The following ADRA1B variants were observed in gnomAD, a reference collection of about 807,000 sequenced individuals.
The protein encoded by ADRA1B is adrenoceptor alpha 1B, also known as alpha-1B adrenergic receptor.
A neutral mutation model predicts 17.9 loss-of-function variants in ADRA1B; 17 were observed. The ratio of observed to expected loss-of-function variants is 0.95; its 90% CI spans 0.65 to 1.42. The LOEUF is 1.42. ADRA1B is among the 40% of genes most tolerant of loss of function. The pLI is 0.00. For synonymous variants in ADRA1B, 366 were observed against 327.6 expected, an observed-to-expected ratio of 1.12 and a Z score of -1.27; for missense variants, 681 against 722.1, an observed-to-expected ratio of 0.94 and a Z score of 0.65.
chr5:159,866,950 A>C (rs577868172), intron 1 of ADRA1B: 1 of 152,324 alleles, frequency 6.6e-6, no homozygotes, highest in East Asian at 1.9e-4. Context: ...GAACTGAGAG[A>C]GATTTCTCAG....
intron 1 of ADRA1B, among the ~76,000 whole-genome samples, chr5:159,959,636 T>C (rs576419413): frequency 6.6e-6 from 1 of 152,328 alleles, no homozygotes; most frequent in South Asian, 2.1e-4. Flanking sequence ...TACATGGCAC[T>C]GAATTATCTG....
chr5:159,975,365 G>C (rs879106719), downstream of ADRA1B, among the ~76,000 whole-genome samples: 12 of 152,240 alleles, frequency 7.9e-5, no homozygotes, highest in South Asian at 2.3e-3. Context: ...TCAAGTCTTG[G>C]CTCTGCATGA....
chr5:159,894,138 C>G (rs965243049), intron 1 of ADRA1B, among the ~76,000 whole-genome samples: 1 of 152,202 alleles, frequency 6.6e-6, no homozygotes, highest in Admixed American at 6.5e-5. Flanking sequence ...GCTGTGGTGC[C>G]CCGCAGGGAG....
chr5:159,932,053 T>C (rs1437485468), intron 1 of ADRA1B, among the ~76,000 whole-genome samples: 1 of 152,272 alleles, frequency 6.6e-6, no homozygotes, highest in East Asian at 1.9e-4. Context: ...ACAAGTTGGA[T>C]CACCCAGTGC....
In ADRA1B at chr5:159,917,841, C is replaced by G; in HGVS notation, c.936C>G (p.Ile312Met). 1 of 1,602,548 alleles carries G rather than the reference C, an allele frequency of 6.2e-7. No individual in the cohort carries two copies. The highest frequency in any genetic ancestry group is 1.1e-5 in the South Asian group (1 of 88,976). ...TCTTGTGCTGGCTACCCTTCTTCAT[C>G]GCTCTACCGCTTGGTAAGTTGGGGA... ...MFILCWLPFF[I>M]ALPLGSLFST... Residue 312 changes from isoleucine to methionine, a missense_variant, in exon 1 of 2, where the codon ATC becomes ATG. Ile to Met is a conservative substitution (Grantham distance 10). Around this residue, in one of 3 missense-constraint regions of ADRA1B, gnomAD observed 424 missense variants for 480.2 expected, o/e 0.88. Coordinates refer to ENST00000306675, the MANE Select transcript of ADRA1B (RefSeq NM_000679.4).
chr5:159,882,587 T>C lies in ADRA1B; in HGVS notation c.-256+17381T>C, dbSNP rs117208462. Among the ~76,000 whole-genome samples the C allele has an allele frequency of 7.9e-4, 121 of 152,274 alleles. No individual in the cohort carries two copies. The East Asian group carries it at 0.022, about 28-fold the overall frequency. On this transcript the variant is annotated intron_variant, in intron 1 of 2. Transcript: ENST00000641205. ...TGATTTCTGACAAGGAAAACTGTCA[T>C]AAGAGCTAACCATCTGTGTCTTCCA...
chr5:159,916,943 C>CA lies in ADRA1B; in HGVS notation c.39dup (p.Pro14ThrfsTer106). 6.2e-7 allele frequency: 1 copy of CA among 1,613,790 alleles called. No homozygotes were observed. Among genetic ancestry groups the CA allele is most frequent in the Non-Finnish European group, 8.5e-7 (1 of 1,179,818 alleles). On this transcript the variant is annotated frameshift_variant, in exon 1 of 2. Transcript: ENST00000306675. LOFTEE classifies it high-confidence loss of function. ...CTGGACACCGGCCACAACACATCAG[C>CA]ACCTGCCCACTGGGGAGAGTTGAAA...
intron 1 of ADRA1B, among the ~76,000 whole-genome samples, chr5:159,920,407 C>T (rs1357218020): frequency 1.3e-5 from 2 of 152,182 alleles, no homozygotes; most frequent in African/African-American, 2.4e-5. Flanking sequence ...CTGTGCCTTT[C>T]TGAGACTTTG....
At chr5:159,895,493 CAG>C (rs1205915999) in intron 1 of ADRA1B, among the ~76,000 whole-genome samples, 1 of 152,198 alleles carries the variant, frequency 6.6e-6, no homozygotes, top group Non-Finnish European at 1.5e-5. Flanking sequence ...CTACTAGAGA[CAG>C]AGACAGAATT....
intron 1 of ADRA1B, among the ~76,000 whole-genome samples, chr5:159,879,225 C>T (rs1329235056): frequency 1.3e-5 from 2 of 152,128 alleles, no homozygotes; most frequent in African/African-American, 4.8e-5. Context: ...CTCGGATTAG[C>T]GTAGAGATTG....
intron 1 of ADRA1B, among the ~76,000 whole-genome samples, chr5:159,891,273 C>A (rs918812076): frequency 1.3e-5 from 2 of 152,194 alleles, no homozygotes; most frequent in Non-Finnish European, 2.9e-5. Flanking sequence ...AATCAATAAA[C>A]TCCAAGATGA....
At chr5:159,981,769 T>G in the ADRA1B span, among the ~76,000 whole-genome samples, 1 of 152,282 alleles carries the variant, frequency 6.6e-6, no homozygotes, top group Admixed American at 6.5e-5. Flanking sequence ...GTGCTGGGAT[T>G]ACAGACGTGA....
intron 1 of ADRA1B, among the ~76,000 whole-genome samples, chr5:159,871,820 C>A (rs533001190): frequency 6.6e-6 from 1 of 152,118 alleles, no homozygotes; most frequent in East Asian, 1.9e-4. Context: ...TCTTTGAATG[C>A]CAATTTTGAA....
intron 1 of ADRA1B, chr5:159,951,484 C>T: frequency 1.4e-6 from 1 of 700,468 alleles, no homozygotes; most frequent in Non-Finnish European, 2.6e-6. Flanking sequence ...TGACTCCAGC[C>T]TTCACCTTCA....
chr5:159,921,958 T>C (rs1324222561), intron 1 of ADRA1B, among the ~76,000 whole-genome samples: 1 of 152,194 alleles, frequency 6.6e-6, no homozygotes, highest in Non-Finnish European at 1.5e-5. Context: ...TTGGTTTGAG[T>C]ACTTGGCAAG....
intron 1 of ADRA1B, among the ~76,000 whole-genome samples, chr5:159,957,843 C>CACTT (rs1334784496): frequency 6.9e-6 from 1 of 144,998 alleles, no homozygotes; most frequent in East Asian, 2.1e-4. Context: ...GCCAGAGAAT[C>CACTT]ACTTGAACCC....
chr5:159,912,111 A>G (rs1754232668), upstream of ADRA1B, among the ~76,000 whole-genome samples: 1 of 152,234 alleles, frequency 6.6e-6, no homozygotes, highest in Non-Finnish European at 1.5e-5. Context: ...AACTCCTAAC[A>G]GATAGTATTA....
intron 1 of ADRA1B, among the ~76,000 whole-genome samples, chr5:159,895,303 C>T (rs1436283305): frequency 1.3e-5 from 2 of 152,220 alleles, no homozygotes; most frequent in African/African-American, 4.8e-5. Flanking sequence ...TCTTCACCTT[C>T]CAAGGATCTT....
chr5:159,897,109 T>A (rs1298410299), intron 1 of ADRA1B, among the ~76,000 whole-genome samples: 2 of 152,216 alleles, frequency 1.3e-5, no homozygotes, highest in African/African-American at 4.8e-5. Context: ...ATGACAGAGC[T>A]GGGAGGAAAA....
Sources: gnomAD v4.1 joint callset for allele counts (sites outside exome capture counted in the v4.1 genomes callset) on GRCh38, gnomAD v4.1.1 for gene constraint, gnomAD v4.1.1 regional missense constraint, MANE v1.5 for transcripts, NCBI Gene and HGNC (gene_info 2026-07-23, HGNC 2026-07-21) for gene names.